Variants in AKR1B15 observed in about 807,000 individuals in gnomAD.
The protein encoded by AKR1B15 is aldo-keto reductase family 1 member B15.
AKR1B15 carries 49 observed loss-of-function variants against 38.5 expected under a neutral mutation model. That is an observed-to-expected ratio of 1.27 (90% confidence interval 1.01 to 1.62). AKR1B15 has a LOEUF of 1.62. AKR1B15 is among the 40% of genes most tolerant of loss of function. The pLI, the probability that AKR1B15 is intolerant of heterozygous loss-of-function variation, is 0.00. For synonymous variants in AKR1B15, 137 were observed against 135.5 expected (o/e 1.01, Z -0.08); for missense variants, 411 against 381.6 (o/e 1.08, Z -0.64).
chr7:134,578,349 G>C (rs1469660740), intron 11 of AKR1B15, among the ~76,000 whole-genome samples: 2 of 152,154 alleles, frequency 1.3e-5, no homozygotes, highest in African/African-American at 4.8e-5. Flanking sequence ...ATATTTGGGG[G>C]AAGAGCATTC....
chr7:134,564,361 C>G (rs1794485638), intron 2 of AKR1B15, among the ~76,000 whole-genome samples: 1 of 152,206 alleles, frequency 6.6e-6, no homozygotes, highest in African/African-American at 2.4e-5. Context: ...GGCTCTGCAT[C>G]TTTTTAGGGG....
chr7:134,553,404 G>A (rs556953625), intron 1 of AKR1B15, among the ~76,000 whole-genome samples: 40 of 152,238 alleles, frequency 2.6e-4, no homozygotes, highest in African/African-American at 7.9e-4. Context: ...CCAAGGAGTC[G>A]CTAAAGGGGT....
intron 1 of AKR1B15, among the ~76,000 whole-genome samples, chr7:134,551,446 C>T (rs574765845): frequency 8.5e-4 from 130 of 152,308 alleles, no homozygotes; most frequent in Middle Eastern, 3.4e-3. Flanking sequence ...CCAGACTCAC[C>T]GGCCCACCTG....
intron 9 of AKR1B15, 41 bp from the exon 10 acceptor site, chr7:134,576,922 C>T (rs6979933): frequency 0.34 from 526,962 of 1,562,812 alleles, 90,859 homozygotes; most frequent in African/African-American, 0.42. Context: ...AGGAGGGGTC[C>T]TTGTAGCTGA....
At position 134,556,796 on chromosome 7, in the gene AKR1B15, A is replaced by G. The variant is rs1794212493; in HGVS notation, c.-86A>G. ...TAGCTGGCCTTAGCATAGCTACGTC[A>G]GCAGCTATTGGCACGACTGCCCTGA... On this transcript the variant is annotated 5_prime_UTR_variant, in exon 2 of 12. Transcript: ENST00000457545. 6.6e-6 allele frequency: 1 copy of G among 152,206 alleles called. No homozygotes were observed. The highest frequency in any genetic ancestry group is 2.4e-5 in the African/African-American group (1 of 41,456). The allele number at this position is 152,206 out of a possible 1,614,324, so 9.4% of individuals were successfully genotyped here.
intron 4 of AKR1B15, among the ~76,000 whole-genome samples, chr7:134,568,973 G>A (rs558607159): frequency 6.6e-6 from 1 of 152,194 alleles, no homozygotes; most frequent in Non-Finnish European, 1.5e-5. Flanking sequence ...CCCTTTTAAA[G>A]TTATCACTTG....
At position 134,556,936 on chromosome 7, in the gene AKR1B15, T is replaced by A. The variant is rs1380699254; in HGVS notation, c.-23+77T>A. On this transcript the variant is annotated intron_variant, in intron 2 of 11. Transcript: ENST00000457545. ...CAGGTAGAGTCTCTAGCTGAAGTAG[T>A]TCTTCAAAACCGCCGAGGCTTAGAT... 2.6e-5 allele frequency: 4 copies of A among 152,168 alleles called. 1 individual carries two copies. The highest frequency in any genetic ancestry group is 2.6e-4 in the Admixed American group (4 of 15,274). The allele number at this position is 152,168 out of a possible 1,614,324, so 9.4% of individuals were successfully genotyped here.
intron 2 of AKR1B15, among the ~76,000 whole-genome samples, chr7:134,562,140 T>C (rs551686189): frequency 6.6e-6 from 1 of 152,182 alleles, no homozygotes; most frequent in East Asian, 1.9e-4. Flanking sequence ...TGTGCCACTG[T>C]GTCTGGAGTT....
chr7:134,566,180 G>C (rs748243823), intron 3 of AKR1B15, among the ~76,000 whole-genome samples: 45 of 152,318 alleles, frequency 3.0e-4, no homozygotes, highest in Non-Finnish European at 5.6e-4. Context: ...TGTAGTCCCA[G>C]CCACTTGGGA....
intron 4 of AKR1B15, among the ~76,000 whole-genome samples, chr7:134,568,656 T>C (rs1242887446): frequency 6.6e-6 from 1 of 152,126 alleles, no homozygotes; most frequent in Non-Finnish European, 1.5e-5. Flanking sequence ...GAAGCCTCCC[T>C]CTCAGCACTG....
At position 134,576,579 on chromosome 7, in the gene AKR1B15, C is replaced by T. The variant is rs1794772676; in HGVS notation, c.825+149C>T. 8.4e-6 allele frequency: 8 copies of T among 950,626 alleles called. No individual in the cohort carries two copies. The East Asian group carries it at 2.1e-4, about 25-fold the overall frequency. 58.9% of individuals were successfully genotyped at this position (950,626 alleles called of 1,614,324 possible). On this transcript the variant is annotated intron_variant, in intron 9 of 11. Transcript: ENST00000457545. ...GTATTTCCTTTGAAGTCTGTTGGAA[C>T]CTCTAGGAAACACAAGAGCTGTCAC...
intron 3 of AKR1B15, chr7:134,565,528 G>A (rs768153424): frequency 1.9e-6 from 3 of 1,613,884 alleles, no homozygotes; most frequent in East Asian, 4.5e-5. Context: ...TGCCCATTGT[G>A]GGCCTGGGCA....
chr7:134,558,321 A>G (rs1794272661), intron 2 of AKR1B15, among the ~76,000 whole-genome samples: 1 of 151,492 alleles, frequency 6.6e-6, no homozygotes, highest in South Asian at 2.1e-4. Flanking sequence ...ATTGGTAGTT[A>G]TACTTATTAG....
Position 134,566,813 on chromosome 7 carries a change from G to A in AKR1B15, c.151-1345G>A, listed in dbSNP as rs568934241. ...GGATAAAGTCTTGGTCTATCTGGGC[G>A]AACAGATCACTTCCAGCTCGATTCA... On this transcript the variant is annotated intron_variant, in intron 3 of 11. Coordinates refer to ENST00000457545, the MANE Select transcript of AKR1B15 (RefSeq NM_001080538.3). Among the ~76,000 whole-genome samples, 6 of 152,268 alleles carry A rather than the reference G, an allele frequency of 3.9e-5. No individual in the cohort carries two copies. The East Asian group carries it at 7.7e-4, about 20-fold the overall frequency.
At chr7:134,571,294 G>C (rs1794662103) in intron 5 of AKR1B15, among the ~76,000 whole-genome samples, 1 of 152,192 alleles carries the variant, frequency 6.6e-6, no homozygotes, top group Admixed American at 6.5e-5. Context: ...TGAAATGAAA[G>C]TTTGCCCTTG....
At chr7:134,573,419 A>C (rs1037845659) in intron 6 of AKR1B15, 8 of 985,314 alleles carry the variant, frequency 8.1e-6, no homozygotes, top group Non-Finnish European at 9.6e-6. Context: ...TGCTTCTCAC[A>C]GTGCTATGTT....
intron 1 of AKR1B15, among the ~76,000 whole-genome samples, chr7:134,552,213 C>T (rs1361181970): frequency 1.3e-5 from 2 of 152,158 alleles, no homozygotes; most frequent in African/African-American, 4.8e-5. Flanking sequence ...AGGCGTCCAT[C>T]TCCTTCTCGG....
chr7:134,573,348 T>A, intron 6 of AKR1B15: 2 of 985,152 alleles, frequency 2.0e-6, no homozygotes, highest in Non-Finnish European at 2.4e-6. Context: ...TTACATTTGA[T>A]CTGTGTTTTT....
Position 134,575,430 on chromosome 7 carries a change from A to C in AKR1B15, c.524A>C (p.Glu175Ala), listed in dbSNP as rs745443235. Residue 175 changes from glutamate to alanine, a missense_variant, in exon 7 of 12, where the codon GAG (glutamate) becomes GCG (alanine). Coordinates refer to ENST00000457545, the MANE Select transcript of AKR1B15 (RefSeq NM_001080538.3). ...TCCTTTCTATGATAGGCCATGGAGG[A>C]GCTGGTGGACGAGGGGCTGGTGAAA... The part of the protein sequence containing the change: ...TFLDAWEAME[E>A]LVDEGLVKAL... The C allele has an allele frequency of 1.7e-5, 27 of 1,613,648 alleles. No homozygotes were observed. Among genetic ancestry groups the C allele is most frequent in the Non-Finnish European group, 2.2e-5 (26 of 1,179,788 alleles).
Sources: allele counts gnomAD v4.1 joint callset (sites outside exome capture counted in the v4.1 genomes callset), GRCh38; gene constraint gnomAD v4.1.1; transcripts MANE v1.5; gene names NCBI Gene and HGNC (gene_info 2026-07-23, HGNC 2026-07-21).